CYP4A22: variants seen among roughly 807,000 people sequenced by gnomAD.
CYP4A22 encodes cytochrome P450 family 4 subfamily A member 22.
A neutral mutation model predicts 56.2 loss-of-function variants in CYP4A22; 46 were observed. The ratio of observed to expected loss-of-function variants is 0.82; its 90% CI spans 0.65 to 1.05. The LOEUF (loss-of-function observed/expected upper bound fraction) is 1.05, where lower values mean the gene tolerates loss of function less well. Ranked by LOEUF, CYP4A22 falls within the 50% of genes least tolerant of loss-of-function variation. The probability of loss-of-function intolerance (pLI) is 0.00; values close to 1 mark genes in which losing one functional copy is unlikely to be tolerated. For synonymous variants in CYP4A22, 193 were observed against 251.1 expected (o/e 0.77, Z 2.19); for missense variants, 541 against 645.9 (o/e 0.84, Z 1.76).
intron 11 of CYP4A22, chr1:47,147,006 C>G: frequency 1.0e-6 from 1 of 985,456 alleles, no homozygotes; most frequent in East Asian, 1.1e-4. Flanking sequence ...AGCTATTGAG[C>G]TGGAGAGGAA....
chr1:47,145,850 C>T lies in CYP4A22; in HGVS notation c.1223-16C>T, dbSNP rs1355759080. The T allele has an allele frequency of 1.2e-6, 2 of 1,613,892 alleles. No homozygotes were observed. Among genetic ancestry groups the T allele is most frequent in the African/African-American group, 2.7e-5 (2 of 74,922 alleles). On this transcript the variant is annotated splice_polypyrimidine_tract_variant and intron_variant, in intron 9 of 11. Coordinates refer to ENST00000371891, the MANE Select transcript of CYP4A22 (RefSeq NM_001010969.4). Reference sequence around the variant, plus strand: ...CAAATGATCGGTCTTCTCTCTCTTTCCAACCTGCACCACAGGTATCATGGT... The same window carrying T: ...CAAATGATCGGTCTTCTCTCTCTTTTCAACCTGCACCACAGGTATCATGGT...
rs34194832 is a variant in CYP4A22 at position 47,145,846 on chromosome 1, C to G, written c.1223-20C>G. The stretch of plus-strand genomic sequence containing the variant: ...CATGCAAATGATCGGTCTTCTCTCT[C>G]TTTCCAACCTGCACCACAGGTATCA... On this transcript the variant is annotated intron_variant, in intron 9 of 11. Transcript: ENST00000371891. 9.3e-6 allele frequency: 15 copies of G among 1,613,812 alleles called. No individual in the cohort carries two copies. The highest frequency in any genetic ancestry group is 2.2e-5 in the South Asian group (2 of 90,938).
In CYP4A22 at chr1:47,143,815, G is replaced by C. The variant is rs35156123; in HGVS notation, c.689G>C (p.Cys230Ser). Residue 230 changes from cysteine (C) to serine (S), a missense_variant, in exon 6 of 12, where the codon TGC becomes TCC. By Grantham distance (112) the Cys-to-Ser change is moderately radical. Transcript: ENST00000371891. ...AISDLNSLVF[C>S]CMRNAFHEND... is the part of the protein sequence containing the mutation. Reference sequence around the variant, plus strand: ...AGTGACCTGAACAGCCTGGTTTTTTGCTGTATGAGGAATGCCTTTCATGAG... The same window carrying C: ...AGTGACCTGAACAGCCTGGTTTTTTCCTGTATGAGGAATGCCTTTCATGAG... 2.5e-6 allele frequency: 4 copies of C among 1,613,764 alleles called. No homozygotes were observed. The highest frequency in any genetic ancestry group is 1.3e-5 in the African/African-American group (1 of 74,896).
Position 47,141,605 on chromosome 1 carries a change from T to G in CYP4A22, c.372T>G (p.Ala124=). ...CCCATGGATCCTACAAATTCCTGGC[T>G]CCACGGATTGGTATGTGTGCAAACT... The part of the protein sequence containing the change: ...PKSHGSYKFL[A]PRIGYGLLLL... Residue 124 remains alanine (A), a synonymous_variant, in exon 3 of 12, where the codon GCT becomes GCG. Coordinates refer to ENST00000371891, the MANE Select transcript of CYP4A22 (RefSeq NM_001010969.4). 6.2e-7 allele frequency: 1 copy of G among 1,613,858 alleles called. No homozygotes were observed. The highest frequency in any genetic ancestry group is 8.5e-7 in the Non-Finnish European group (1 of 1,179,810).
intron 11 of CYP4A22, chr1:47,146,951 C>T: frequency 2.0e-6 from 2 of 985,386 alleles, no homozygotes; most frequent in Non-Finnish European, 2.4e-6. Context: ...TAACGCACAA[C>T]ATTTGAAGCC....
chr1:47,139,173 C>T (rs1644979400), intron 1 of CYP4A22, among the ~76,000 whole-genome samples: 1 of 152,226 alleles, frequency 6.6e-6, no homozygotes, highest in Non-Finnish European at 1.5e-5. Flanking sequence ...TATTTTCTCA[C>T]TCATATCTAT....
At chr1:47,148,564 G>C in intron 11 of CYP4A22, 38 bp from the exon 12 acceptor site, 2 of 1,571,966 alleles carry the variant, frequency 1.3e-6, no homozygotes, top group Non-Finnish European at 1.7e-6. Context: ...AATGGGGCCT[G>C]AGGACACGTC....
In CYP4A22 at chr1:47,137,493, T is replaced by C; in HGVS notation, c.8T>C (p.Val3Ala). 6 of 1,612,594 alleles carry C rather than the reference T, an allele frequency of 3.7e-6. No homozygotes were observed. The highest frequency in any genetic ancestry group is 5.1e-6 in the Non-Finnish European group (6 of 1,179,112). Residue 3 changes from valine (V) to alanine (A), a missense_variant, in exon 1 of 12, where the codon GTC (valine) becomes GCC (alanine). By Grantham distance (64) the Val-to-Ala change is moderately conservative (BLOSUM62 0). This residue lies in a region of CYP4A22 where 335 missense variants were observed against 361.2 expected (regional missense o/e 0.93). Transcript: ENST00000371891. Reference protein sequence around the residue: MSVSVLSPSRRLG... With the variant: MSASVLSPSRRLG... ...TCCAGCAGGTGCTGCACCATGAGTG[T>C]CTCTGTCCTGAGCCCCAGCAGACGC...
At chr1:47,146,756 A>G (rs1248856939) in intron 11 of CYP4A22, 6 of 988,348 alleles carry the variant, frequency 6.1e-6, no homozygotes, top group Non-Finnish European at 7.2e-6. Flanking sequence ...GTCTTGCCCA[A>G]TGACATTTTT....
At chr1:47,145,101 T>A (rs956427315) in intron 9 of CYP4A22, 131 bp downstream of exon 9, 41 of 1,425,840 alleles carry the variant, frequency 2.9e-5, no homozygotes, top group Middle Eastern at 2.4e-4. Context: ...AAAAACATAC[T>A]TTGTATTTAG....
At chr1:47,141,206 T>G (rs1419432447) in intron 2 of CYP4A22, among the ~76,000 whole-genome samples, 3 of 152,194 alleles carry the variant, frequency 2.0e-5, no homozygotes, top group Non-Finnish European at 4.4e-5. Flanking sequence ...GTAAAACAAA[T>G]TTCATACCCA....
Position 47,137,516 on chromosome 1 carries a change from C to T in CYP4A22, c.31C>T (p.Arg11Cys), listed in dbSNP as rs76011927. 5,653 of 1,613,920 alleles carry T rather than the reference C, an allele frequency of 3.5e-3. 103 individuals carry two copies. The East Asian group carries it at 0.049, about 14-fold the overall frequency. Residue 11 changes from arginine to cysteine, a missense_variant, in exon 1 of 12, where the codon CGC becomes TGC. Arg to Cys is a radical substitution (Grantham distance 180, BLOSUM62 -3). This residue lies in a region of CYP4A22 where 335 missense variants were observed against 361.2 expected (regional missense o/e 0.93). Coordinates refer to ENST00000371891, the MANE Select transcript of CYP4A22 (RefSeq NM_001010969.4). Reference protein sequence around the residue: MSVSVLSPSRRLGGVSGILQV... With the variant: MSVSVLSPSRCLGGVSGILQV... ...TGTCTCTGTCCTGAGCCCCAGCAGACGCCTGGGTGGTGTCTCCGGGATCCT... is the reference window on the plus strand; with the variant it reads ...TGTCTCTGTCCTGAGCCCCAGCAGATGCCTGGGTGGTGTCTCCGGGATCCT...
intron 11 of CYP4A22, chr1:47,147,120 T>C: frequency 1.9e-5 from 19 of 985,456 alleles, no homozygotes; most frequent in Non-Finnish European, 2.3e-5. Context: ...ACAAAGTTTG[T>C]TCAAAGAAAT....
At position 47,148,856 on chromosome 1, in the gene CYP4A22, C is replaced by G. The variant is rs550586068; in HGVS notation, c.*59C>G. On this transcript the variant is annotated 3_prime_UTR_variant, in exon 12 of 12. Coordinates refer to ENST00000371891, the MANE Select transcript of CYP4A22 (RefSeq NM_001010969.4). ...CCACTCCTATCTCCTGCCTGTCTGC[C>G]TCTGTCCTGCTTTCTGTCTGCCCAC... is the stretch of plus-strand genomic sequence containing the variant. 1.3e-6 allele frequency: 2 copies of G among 1,534,174 alleles called. No individual in the cohort carries two copies. Among genetic ancestry groups the G allele is most frequent in the South Asian group, 2.6e-5 (2 of 77,638 alleles).
intron 3 of CYP4A22, 87 bp from the exon 4 acceptor site, chr1:47,142,021 C>T (rs1645015776): frequency 6.6e-7 from 1 of 1,521,608 alleles, no homozygotes; most frequent in African/African-American, 1.4e-5. Flanking sequence ...AGGAAGCCAC[C>T]TTTCTCCCTC....
In CYP4A22 at chr1:47,146,429, G is replaced by A. The variant is rs1203686879; in HGVS notation, c.1364+276G>A. The A allele has an allele frequency of 3.0e-6, 4 of 1,318,236 alleles. No individual in the cohort carries two copies. The South Asian group carries it at 7.7e-5, about 25-fold the overall frequency. The allele number at this position is 1,318,236 out of a possible 1,614,324, so 81.7% of individuals were successfully genotyped here. ...ATGTTCCAAACTTCAGTATATTCAT[G>A]TATTTTCCTCACTTTAAGGATATGA... On this transcript the variant is annotated intron_variant, in intron 11 of 11. Transcript: ENST00000371891.
chr1:47,146,096 T>A lies in CYP4A22; in HGVS notation c.1307T>A (p.Phe436Tyr), dbSNP rs149509404. The A allele has an allele frequency of 3.2e-4, 524 of 1,614,166 alleles. 3 individuals are homozygous for A. The highest frequency in any genetic ancestry group is 1.3e-5 in the Non-Finnish European group (15 of 1,180,030). Residue 436 changes from phenylalanine to tyrosine, a missense_variant, in exon 11 of 12, where the codon TTT (phenylalanine) becomes TAT (tyrosine). Phe to Tyr is a conservative substitution (Grantham distance 22). Transcript: ENST00000371891. ...CTGCAGGTGTTTGACCCTTCCCGTT[T>A]TGCACCGGGTTCTGCTCAACACAGC... The part of the protein sequence containing the change: ...PNLEVFDPSR[F>Y]APGSAQHSHA...
At chr1:47,148,551 C>A (rs1645098916) in intron 11 of CYP4A22, 51 bp from the exon 12 acceptor site, 40 of 1,550,256 alleles carry the variant, frequency 2.6e-5, no homozygotes, top group Non-Finnish European at 3.4e-5. Flanking sequence ...CTGCTCAGAT[C>A]AGAATGGGGC....
In CYP4A22 at chr1:47,149,297, C is replaced by T. The variant is rs146771558; in HGVS notation, c.*500C>T. ...TCAATTGTATCTTGAGTTAAAAGAA[C>T]CTGCTCTCCATTATCTCAAGTAACA... On this transcript the variant is annotated 3_prime_UTR_variant, in exon 12 of 12. Coordinates refer to ENST00000371891, the MANE Select transcript of CYP4A22 (RefSeq NM_001010969.4). 1.9e-5 allele frequency: 3 copies of T among 156,296 alleles called. No homozygotes were observed. Among genetic ancestry groups the T allele is most frequent in the African/African-American group, 4.8e-5 (2 of 41,616 alleles). The allele number at this position is 156,296 out of a possible 1,614,324, so 9.7% of individuals were successfully genotyped here.
Sources: allele counts gnomAD v4.1 joint callset (sites outside exome capture counted in the v4.1 genomes callset), GRCh38; gene constraint gnomAD v4.1.1; regional missense constraint gnomAD v4.1.1; transcripts MANE v1.5; gene names NCBI Gene and HGNC (gene_info 2026-07-23, HGNC 2026-07-21).